The following ANKS1B variants were observed in gnomAD, a reference collection of about 807,000 sequenced individuals.
ANKS1B encodes the protein ankyrin repeat and sterile alpha motif domain containing 1B, also known as ankyrin repeat and sterile alpha motif domain-containing protein 1B.
Under a neutral mutation model 148.3 loss-of-function variants are expected in ANKS1B, and 36 were observed. The observed-to-expected ratio is 0.24, with a 90% CI of 0.19 to 0.32. The LOEUF is 0.32. Among genes scored for constraint, ANKS1B ranks in the 10% least tolerant of loss-of-function variants. The probability of loss-of-function intolerance (pLI) is 1.00; values close to 1 mark genes in which losing one functional copy is unlikely to be tolerated. For synonymous variants in ANKS1B, 542 were observed against 560.8 expected, an observed-to-expected ratio of 0.97 and a Z score of 0.47; for missense variants, 1,157 against 1,542.6, an observed-to-expected ratio of 0.75 and a Z score of 4.19.
chr12:99,442,731 C>T (rs2095570067), intron 11 of ANKS1B, among the ~76,000 whole-genome samples: 2 of 151,884 alleles, frequency 1.3e-5, no homozygotes, highest in Admixed American at 1.3e-4. Flanking sequence ...TCTAAAATAA[C>T]TTATGTTAAA....
intron 17 of ANKS1B, among the ~76,000 whole-genome samples, chr12:98,856,218 T>C (rs12227749): frequency 0.031 from 4,721 of 152,312 alleles, 160 homozygotes; most frequent in East Asian, 0.097. Flanking sequence ...ATGATGTATA[T>C]ACAGTGTAGC....
rs189549181 is a variant in ANKS1B at position 99,955,167 on chromosome 12, A to G, written c.134+28937T>C. Among the ~76,000 whole-genome samples, 6 of 152,182 alleles carry G rather than the reference A, an allele frequency of 3.9e-5. No individual in the cohort carries two copies. The East Asian group carries it at 1.2e-3, about 29-fold the overall frequency. ...CTTTAATCCTTGTTTTCTGGACTTG[A>G]GTCTTTGCACGGTCTGGCCTCTAAC... On this transcript the variant is annotated intron_variant, in intron 1 of 26. Transcript: ENST00000683438.
At chr12:99,669,747 C>CT (rs569460406) in intron 8 of ANKS1B, among the ~76,000 whole-genome samples, 28 of 152,268 alleles carry the variant, frequency 1.8e-4, no homozygotes, top group African/African-American at 6.7e-4. Flanking sequence ...TTCTGGACCT[C>CT]TTTTTTGGTA....
intron 17 of ANKS1B, among the ~76,000 whole-genome samples, chr12:98,953,729 C>T (rs2099857853): frequency 1.3e-5 from 2 of 151,944 alleles, no homozygotes; most frequent in Non-Finnish European, 2.9e-5. Flanking sequence ...ACCTGGCATA[C>T]AAAACCTCCC....
At chr12:99,486,456 TTATTTATTTATTTA>T (rs2096489958) in intron 10 of ANKS1B, among the ~76,000 whole-genome samples, 2 of 42,106 alleles carry the variant, frequency 4.7e-5, no homozygotes, top group South Asian at 1.3e-3. Flanking sequence ...TGGCATGTGC[TTATTTATTTATTTA>T]TTTATTTATT....
intron 9 of ANKS1B, among the ~76,000 whole-genome samples, chr12:99,626,738 C>T (rs1371664088): frequency 6.6e-6 from 1 of 152,112 alleles, no homozygotes; most frequent in African/African-American, 2.4e-5. Context: ...TCCTGGGAAT[C>T]TAGGGTTTGG....
At chr12:99,852,773 G>GT (rs1254749725) in intron 1 of ANKS1B, among the ~76,000 whole-genome samples, 1 of 152,236 alleles carries the variant, frequency 6.6e-6, no homozygotes, top group Non-Finnish European at 1.5e-5. Context: ...CAGAGGAACT[G>GT]TAAGTCTACT....
At chr12:98,777,149 C>T (rs1313706334) in intron 24 of ANKS1B, among the ~76,000 whole-genome samples, 2 of 152,008 alleles carry the variant, frequency 1.3e-5, no homozygotes. Context: ...GCCGTGGTGG[C>T]GCCACTACAC....
At chr12:99,944,188 A>T (rs1253919235) in intron 1 of ANKS1B, among the ~76,000 whole-genome samples, 1 of 152,158 alleles carries the variant, frequency 6.6e-6, no homozygotes, top group Non-Finnish European at 1.5e-5. Flanking sequence ...TCCAGAATTA[A>T]GTGAGAGGGG....
intron 4 of ANKS1B, among the ~76,000 whole-genome samples, chr12:99,796,044 C>T (rs1265504910): frequency 6.6e-6 from 1 of 151,994 alleles, no homozygotes; most frequent in African/African-American, 2.4e-5. Flanking sequence ...TACAGCTTCT[C>T]TTTGGAATAT....
At chr12:99,285,939 C>T (rs576922339) in intron 12 of ANKS1B, among the ~76,000 whole-genome samples, 34 of 152,176 alleles carry the variant, frequency 2.2e-4, no homozygotes, top group African/African-American at 5.5e-4. Flanking sequence ...CAAGCTAAAG[C>T]GCTCTGGAGT....
intron 12 of ANKS1B, among the ~76,000 whole-genome samples, chr12:99,282,058 T>C (rs1040117514): frequency 6.6e-6 from 1 of 152,122 alleles, no homozygotes; most frequent in Non-Finnish European, 1.5e-5. Context: ...GCAGTAATAA[T>C]ACAGGCAATT....
intron 14 of ANKS1B, among the ~76,000 whole-genome samples, chr12:99,166,108 G>C (rs530742988): frequency 1.3e-5 from 2 of 151,422 alleles, no homozygotes; most frequent in East Asian, 3.9e-4. Flanking sequence ...AAAATAGAAA[G>C]AAATTTCTTA....
intron 4 of ANKS1B, among the ~76,000 whole-genome samples, chr12:99,796,116 C>T (rs941265342): frequency 6.6e-6 from 1 of 151,932 alleles, no homozygotes; most frequent in Non-Finnish European, 1.5e-5. Flanking sequence ...ATATGGGTGA[C>T]TTGAACCCAA....
At chr12:99,301,660 G>A (rs1302563106) in intron 12 of ANKS1B, among the ~76,000 whole-genome samples, 1 of 152,130 alleles carries the variant, frequency 6.6e-6, no homozygotes, top group Admixed American at 6.6e-5. Flanking sequence ...GGCACTGAGT[G>A]AGCCAATAGA....
chr12:99,457,852 C>T (rs764928281), intron 10 of ANKS1B, among the ~76,000 whole-genome samples: 2 of 152,076 alleles, frequency 1.3e-5, no homozygotes, highest in Non-Finnish European at 2.9e-5. Flanking sequence ...ATTCCACAGA[C>T]AGCAGTCAGG....
chr12:99,298,293 G>C (rs2081166099), intron 12 of ANKS1B, among the ~76,000 whole-genome samples: 2 of 152,182 alleles, frequency 1.3e-5, no homozygotes, highest in South Asian at 4.1e-4. Context: ...CAAGGGCAGG[G>C]CCATGTGTAG....
intron 17 of ANKS1B, among the ~76,000 whole-genome samples, chr12:99,040,976 C>G (rs899069983): frequency 6.6e-6 from 1 of 152,140 alleles, no homozygotes; most frequent in Non-Finnish European, 1.5e-5. Context: ...GTTCACTGAG[C>G]AAGAGAATGC....
chr12:99,358,585 C>T (rs191900762), intron 12 of ANKS1B, among the ~76,000 whole-genome samples: 19 of 152,008 alleles, frequency 1.2e-4, no homozygotes, highest in African/African-American at 3.6e-4. Flanking sequence ...ATATCTAGAC[C>T]CTACTAGTAC....
Sources: allele counts gnomAD v4.1 joint callset (sites outside exome capture counted in the v4.1 genomes callset), GRCh38; gene constraint gnomAD v4.1.1; transcripts MANE v1.5; gene names NCBI Gene and HGNC (gene_info 2026-07-23, HGNC 2026-07-21).